The following CMIP variants were observed in gnomAD, a reference collection of about 807,000 sequenced individuals.
CMIP encodes the protein C-Maf-inducing protein.
In CMIP, 13 loss-of-function variants were observed where a neutral mutation model predicts 97.3. The observed-to-expected ratio is 0.13, with a 90% CI of 0.09 to 0.21. The LOEUF (loss-of-function observed/expected upper bound fraction) is 0.21, where lower values mean the gene tolerates loss of function less well. Ranked by LOEUF, CMIP falls within the 10% of genes least tolerant of loss-of-function variation. The pLI, the probability that CMIP is intolerant of heterozygous loss-of-function variation, is 1.00. For missense variants in CMIP, 847 were observed against 1,024.9 expected (o/e 0.83, Z 2.37); for synonymous variants, 538 against 436.3 (o/e 1.23, Z -2.91).
intron 1 of CMIP, among the ~76,000 whole-genome samples, chr16:81,523,482 T>C (rs915326614): frequency 1.3e-5 from 2 of 152,278 alleles, no homozygotes; most frequent in Middle Eastern, 3.4e-3. Flanking sequence ...CCAGCACATT[T>C]TGGTTGGACT....
Position 81,711,592 on chromosome 16 carries a change from A to G in CMIP, c.*1793A>G, listed in dbSNP as rs922460237. The G allele has an allele frequency of 7.8e-6, 1 of 127,756 alleles. No homozygotes were observed. Among genetic ancestry groups the G allele is most frequent in the Non-Finnish European group, 1.6e-5 (1 of 62,008 alleles). 7.9% of individuals were successfully genotyped at this position (127,756 alleles called of 1,614,324 possible). ...GCAAAAAAAATAAAAATAAAAAAAT[A>G]AATAAAAATAAAAAAAATAAAAAAG... On this transcript the variant is annotated 3_prime_UTR_variant, in exon 21 of 21. Transcript: ENST00000537098.
At chr16:81,524,524 A>G (rs78375304) in intron 1 of CMIP, among the ~76,000 whole-genome samples, 10,846 of 152,336 alleles carry the variant, frequency 0.071, 528 homozygotes, top group Non-Finnish European at 0.11. Flanking sequence ...CAGTGTCTGC[A>G]AAATGCTTAT....
intron 9 of CMIP, among the ~76,000 whole-genome samples, chr16:81,676,906 C>T (rs1388137419): frequency 2.6e-5 from 4 of 152,294 alleles, no homozygotes; most frequent in South Asian, 2.1e-4. Flanking sequence ...AGGACCCATG[C>T]ATGTGACACA....
chr16:81,476,963 G>A (rs1191965536), intron 1 of CMIP, among the ~76,000 whole-genome samples: 4 of 151,990 alleles, frequency 2.6e-5, no homozygotes, highest in Non-Finnish European at 4.4e-5. Context: ...GGAGGTCAGG[G>A]CTCCTGGGTT....
At chr16:81,499,747 C>A (rs80215273) in intron 1 of CMIP, among the ~76,000 whole-genome samples, 2 of 152,336 alleles carry the variant, frequency 1.3e-5, no homozygotes, top group South Asian at 4.1e-4. Flanking sequence ...GTCCTTTACC[C>A]CTCCTTTACC....
chr16:81,682,276 A>G (rs1192862194), intron 10 of CMIP, among the ~76,000 whole-genome samples: 2 of 150,946 alleles, frequency 1.3e-5, no homozygotes, highest in African/African-American at 4.9e-5. Context: ...TAAAGAAAAA[A>G]AGAAGCAGCC....
At chr16:81,471,315 C>T (rs1005951971) in intron 1 of CMIP, among the ~76,000 whole-genome samples, 14 of 152,146 alleles carry the variant, frequency 9.2e-5, no homozygotes, top group African/African-American at 1.2e-4. Flanking sequence ...TGTACCCACA[C>T]GCACACATAT....
chr16:81,663,554 C>T (rs2092570429), intron 6 of CMIP, among the ~76,000 whole-genome samples: 1 of 152,162 alleles, frequency 6.6e-6, no homozygotes, highest in Non-Finnish European at 1.5e-5. Context: ...ACATTGGTGG[C>T]TCCAGGACAT....
At chr16:81,466,421 G>A (rs879467344) in intron 1 of CMIP, among the ~76,000 whole-genome samples, 9 of 152,324 alleles carry the variant, frequency 5.9e-5, no homozygotes, top group Middle Eastern at 3.4e-3. Flanking sequence ...GGAGGCCAGG[G>A]ATGTGCAGTT....
intron 1 of CMIP, among the ~76,000 whole-genome samples, chr16:81,472,113 A>G (rs1417388277): frequency 6.6e-6 from 1 of 152,180 alleles, no homozygotes; most frequent in African/African-American, 2.4e-5. Flanking sequence ...CTCTCAGTAT[A>G]CACATGTATG....
chr16:81,617,395 C>T (rs1417633360), intron 2 of CMIP: 1 of 152,322 alleles, frequency 6.6e-6, no homozygotes, highest in African/African-American at 2.4e-5. Flanking sequence ...TGAATTCTCC[C>T]TGCCCCATCT....
intron 20 of CMIP, among the ~76,000 whole-genome samples, chr16:81,708,290 C>G (rs750939607): frequency 2.6e-5 from 4 of 152,224 alleles, no homozygotes; most frequent in African/African-American, 4.8e-5. Flanking sequence ...GTCTGCAGAC[C>G]AGCACCCTCG....
At chr16:81,547,274 C>T (rs1184068610) in intron 1 of CMIP, among the ~76,000 whole-genome samples, 1 of 152,170 alleles carries the variant, frequency 6.6e-6, no homozygotes, top group Non-Finnish European at 1.5e-5. Context: ...TAGACCATGT[C>T]ATGTTTATGT....
chr16:81,669,811 G>A (rs1209129520), intron 7 of CMIP, among the ~76,000 whole-genome samples: 1 of 152,040 alleles, frequency 6.6e-6, no homozygotes, highest in Non-Finnish European at 1.5e-5. Flanking sequence ...CCCCTCGGAA[G>A]CACCCTCTCT....
intron 1 of CMIP, among the ~76,000 whole-genome samples, chr16:81,564,824 T>C (rs145863820): frequency 6.6e-6 from 1 of 152,216 alleles, no homozygotes; most frequent in Non-Finnish European, 1.5e-5. Context: ...TGGGAATGAA[T>C]AAAACATGCT....
At chr16:81,705,893 C>T (rs1908083786) in intron 19 of CMIP, among the ~76,000 whole-genome samples, 1 of 152,144 alleles carries the variant, frequency 6.6e-6, no homozygotes, top group Non-Finnish European at 1.5e-5. Flanking sequence ...ACTGAGGGGT[C>T]GAGTTCAAGG....
chr16:81,581,137 T>C (rs1385772373), intron 1 of CMIP, among the ~76,000 whole-genome samples: 1 of 152,218 alleles, frequency 6.6e-6, no homozygotes, highest in African/African-American at 2.4e-5. Flanking sequence ...TGATACTCCA[T>C]TGTCTGTATG....
intron 11 of CMIP, among the ~76,000 whole-genome samples, chr16:81,692,522 G>A (rs1457596560): frequency 1.3e-5 from 2 of 152,220 alleles, no homozygotes; most frequent in Non-Finnish European, 2.9e-5. Flanking sequence ...GAGGCAGCTG[G>A]GGCTCTCGAA....
chr16:81,568,597 G>A (rs1253866097), intron 1 of CMIP, among the ~76,000 whole-genome samples: 1 of 152,228 alleles, frequency 6.6e-6, no homozygotes, highest in African/African-American at 2.4e-5. Flanking sequence ...TTGGCTTGCT[G>A]GGGGAGGAGA....
Sources: gnomAD v4.1 joint callset for allele counts (sites outside exome capture counted in the v4.1 genomes callset) on GRCh38, gnomAD v4.1.1 for gene constraint, MANE v1.5 for transcripts, NCBI Gene and HGNC (gene_info 2026-07-23, HGNC 2026-07-21) for gene names.